The following PCDHA1 variants were observed in gnomAD, a reference collection of about 807,000 sequenced individuals.
The protein encoded by PCDHA1 is protocadherin alpha-1.
Under a neutral mutation model 61.3 loss-of-function variants are expected in PCDHA1, and 42 were observed. The observed-to-expected ratio is 0.69, with a 90% CI of 0.54 to 0.89. PCDHA1 has a LOEUF of 0.89. PCDHA1 is among the 40% of genes least tolerant of loss of function. The pLI, the probability that PCDHA1 is intolerant of heterozygous loss-of-function variation, is 0.00. For missense variants in PCDHA1, 1,256 were observed against 1,235.3 expected (o/e 1.02, Z -0.25); for synonymous variants, 610 against 553.8 (o/e 1.10, Z -1.43).
chr5:140,932,637 T>G (rs1554209011), intron 1 of PCDHA1, among the ~76,000 whole-genome samples: 2 of 151,870 alleles, frequency 1.3e-5, no homozygotes, highest in Non-Finnish European at 3.0e-5. Flanking sequence ...TAAAAAACTT[T>G]AGAATGATGA....
chr5:140,850,664 C>T, intron 1 of PCDHA1: 1 of 1,598,396 alleles, frequency 6.3e-7, no homozygotes, highest in Non-Finnish European at 8.6e-7. Context: ...TGCTGCGGTG[C>T]TCGGCGATGC....
In PCDHA1 at chr5:140,850,519, C is replaced by T. The variant is rs2150487298; in HGVS notation, c.2394+61835C>T. On this transcript the variant is annotated intron_variant, in intron 1 of 3. Coordinates refer to ENST00000504120, the MANE Select transcript of PCDHA1 (RefSeq NM_018900.4). ...GTGTCGCTGGTGGAGAGCGGCCAGG[C>T]GCCAAAGTCATCGTCGCGGGCGTCA... 675 of 1,598,240 alleles carry T rather than the reference C, an allele frequency of 4.2e-4. 26 individuals carry two copies. In the South Asian group the frequency reaches 6.8e-3, roughly 16 times the overall value.
intron 1 of PCDHA1, chr5:140,843,512 G>A (rs782010980): frequency 6.3e-7 from 1 of 1,595,964 alleles, no homozygotes; most frequent in Non-Finnish European, 8.6e-7. Flanking sequence ...CACTGAGGGC[G>A]GGTGCCGGGC....
At chr5:140,969,553 G>T in intron 1 of PCDHA1, 1 of 1,229,652 alleles carries the variant, frequency 8.1e-7, no homozygotes, top group Non-Finnish European at 1.1e-6. Flanking sequence ...ATGAAGCCTT[G>T]TCCATAAAAT....
chr5:140,941,185 C>CT (rs782102770), intron 1 of PCDHA1, among the ~76,000 whole-genome samples: 18 of 102,242 alleles, frequency 1.8e-4, no homozygotes, highest in East Asian at 3.7e-4. Flanking sequence ...CATCCTGCTT[C>CT]TTTTTTTTTC....
intron 1 of PCDHA1, chr5:140,866,095 A>G (rs1475761817): frequency 6.6e-6 from 1 of 152,152 alleles, no homozygotes; most frequent in East Asian, 1.9e-4. Flanking sequence ...TGTAATTGTT[A>G]AGTAATTAAG....
At chr5:140,918,051 A>C (rs782531005) in intron 1 of PCDHA1, among the ~76,000 whole-genome samples, 4 of 151,984 alleles carry the variant, frequency 2.6e-5, no homozygotes, top group Admixed American at 2.0e-4. Flanking sequence ...CATTTGTTTT[A>C]TCATCTCTGA....
At chr5:140,821,800 C>G (rs782220892) in intron 1 of PCDHA1, 1 of 1,613,116 alleles carries the variant, frequency 6.2e-7, no homozygotes, top group Non-Finnish European at 8.5e-7. Context: ...GAGAGGAAGT[C>G]TGGGATCCCG....
chr5:140,926,212 T>G (rs1261895253), intron 1 of PCDHA1, among the ~76,000 whole-genome samples: 2 of 152,204 alleles, frequency 1.3e-5, no homozygotes, highest in Non-Finnish European at 2.9e-5. Context: ...GGGCTCCTGT[T>G]TCCTTAAGCC....
intron 1 of PCDHA1, chr5:140,884,562 A>G (rs782650365): frequency 3.1e-6 from 5 of 1,614,166 alleles, no homozygotes; most frequent in Admixed American, 1.7e-5. Flanking sequence ...GAGGGCCCGC[A>G]TAAGACGGAC....
At chr5:140,927,130 C>T (rs1554204065) in intron 1 of PCDHA1, 6 of 1,614,032 alleles carry the variant, frequency 3.7e-6, no homozygotes, top group African/African-American at 1.3e-5. Flanking sequence ...GGTCAGAGAG[C>T]CGGCGGACCG....
At chr5:140,930,416 T>C (rs1554207810) in intron 1 of PCDHA1, 1 of 151,928 alleles carries the variant, frequency 6.6e-6, no homozygotes, top group East Asian at 1.9e-4. Flanking sequence ...GAGACAGGGG[T>C]CTCACTATGT....
chr5:140,852,214 AT>A lies in PCDHA1; in HGVS notation c.2394+63534del, dbSNP rs1374970785. 2.5e-5 allele frequency: 16 copies of A among 644,870 alleles called. No individual in the cohort carries two copies. The South Asian group carries it at 1.1e-3, about 44-fold the overall frequency. The allele number at this position is 644,870 out of a possible 1,614,324, so 39.9% of individuals were successfully genotyped here. A position where few individuals can be genotyped will look rare whatever the true frequency, so the allele number is the denominator to read the frequency against. On this transcript the variant is annotated intron_variant, in intron 1 of 3. Transcript: ENST00000504120. ...CAGTAACGTTTATTTAAAACAAAAT[AT>A]TTTAATTTTTAAATTTTCCCTTAAA... is the stretch of plus-strand genomic sequence containing the variant.
At chr5:140,926,829 G>A in intron 1 of PCDHA1, 1 of 1,501,192 alleles carries the variant, frequency 6.7e-7, no homozygotes, top group Middle Eastern at 2.1e-4. Context: ...CCAGGAGTCC[G>A]GAGCATGGTC....
chr5:140,885,207 T>C (rs1405388039), intron 1 of PCDHA1, among the ~76,000 whole-genome samples: 1 of 152,140 alleles, frequency 6.6e-6, no homozygotes, highest in Admixed American at 6.5e-5. Context: ...ATATATCCCA[T>C]GAAAAATATC....
At chr5:140,868,911 G>T in intron 1 of PCDHA1, 1 of 892,226 alleles carries the variant, frequency 1.1e-6, no homozygotes. Flanking sequence ...CTCTTTACTT[G>T]GTGGAAAGTT....
intron 1 of PCDHA1, chr5:140,967,680 G>C (rs1554229771): frequency 6.2e-7 from 1 of 1,614,228 alleles, no homozygotes; most frequent in South Asian, 1.1e-5. Context: ...GACCGGGAGA[G>C]GCAGCTCTTC....
intron 1 of PCDHA1, chr5:140,801,298 C>T (rs782102566): frequency 6.2e-7 from 1 of 1,613,480 alleles, no homozygotes; most frequent in East Asian, 2.2e-5. Context: ...CTCCACTACT[C>T]CGTCTCTGAG....
intron 1 of PCDHA1, chr5:140,803,828 A>G: frequency 1.6e-6 from 1 of 637,158 alleles, no homozygotes; most frequent in Non-Finnish European, 2.6e-6. Context: ...TAGGTGCAGT[A>G]GTAGAATTAT....
Sources: gnomAD v4.1 joint callset for allele counts (sites outside exome capture counted in the v4.1 genomes callset) on GRCh38, gnomAD v4.1.1 for gene constraint, MANE v1.5 for transcripts, NCBI Gene and HGNC (gene_info 2026-07-23, HGNC 2026-07-21) for gene names.